Variants in SHC3 observed in about 807,000 individuals in gnomAD.
The protein encoded by SHC3 is SHC-transforming protein 3.
SHC3 carries 15 observed loss-of-function variants against 60.4 expected under a neutral mutation model. The observed-to-expected ratio is 0.25, with a 90% CI of 0.17 to 0.38. The LOEUF is 0.38. Among genes scored for constraint, SHC3 ranks in the 10% least tolerant of loss-of-function variants. SHC3 has a pLI of 1.00. For synonymous variants in SHC3, 294 were observed against 325.9 expected (o/e 0.90, Z 1.05); for missense variants, 677 against 786.1 (o/e 0.86, Z 1.66).
In SHC3 at chr9:89,047,013, C is replaced by T. The variant is rs377234335; in HGVS notation, c.963-19G>A. 21 of 1,533,496 alleles carry T rather than the reference C, an allele frequency of 1.4e-5. No homozygotes were observed. The African/African-American group carries it at 2.9e-4, about 21-fold the overall frequency. The allele number at this position is 1,533,496 out of a possible 1,614,324, so 95.0% of individuals were successfully genotyped here. A position where few individuals can be genotyped will look rare whatever the true frequency, so the allele number is the denominator to read the frequency against. ...CTGCATTCTGTTAAAGGAAGATTTC[C>T]AAGGGCTTTAGCCAAAAGTTGAACT... On this transcript the variant is annotated intron_variant, in intron 7 of 11. Transcript: ENST00000375835.
At chr9:89,013,708 C>A in intron 11 of SHC3, 133 bp from the exon 12 acceptor site, 1 of 1,294,494 alleles carries the variant, frequency 7.7e-7, no homozygotes, top group Non-Finnish European at 1.0e-6. Flanking sequence ...GCTTCCACCA[C>A]TTTAGAGATG....
At chr9:89,081,303 T>C (rs1228375663) in intron 2 of SHC3, among the ~76,000 whole-genome samples, 3 of 152,160 alleles carry the variant, frequency 2.0e-5, no homozygotes, top group Non-Finnish European at 4.4e-5. Context: ...GCAATACACA[T>C]GGCTCCAAAA....
chr9:89,098,267 A>C (rs1825733798), intron 2 of SHC3, among the ~76,000 whole-genome samples: 1 of 152,242 alleles, frequency 6.6e-6, no homozygotes, highest in Non-Finnish European at 1.5e-5. Flanking sequence ...AACAAAATGC[A>C]ATGTGTGATT....
At chr9:89,077,992 A>G (rs1825387153) in intron 2 of SHC3, 89 bp from the exon 3 acceptor site, 1 of 1,432,774 alleles carries the variant, frequency 7.0e-7, no homozygotes, top group Admixed American at 1.7e-5. Flanking sequence ...CAAAGAAAAT[A>G]ACTGCCTGTT....
intron 6 of SHC3, among the ~76,000 whole-genome samples, chr9:89,053,970 G>A (rs1824904354): frequency 2.0e-5 from 3 of 152,222 alleles, no homozygotes; most frequent in Admixed American, 2.0e-4. Flanking sequence ...CAGCCAACAG[G>A]ACTGGTTGGT....
At chr9:89,110,922 T>A (rs1407148413) in intron 2 of SHC3, among the ~76,000 whole-genome samples, 1 of 152,196 alleles carries the variant, frequency 6.6e-6, no homozygotes, top group Non-Finnish European at 1.5e-5. Context: ...CCATTTGGGT[T>A]CTACCACAGA....
chr9:89,118,522 T>C (rs192445629), intron 1 of SHC3, among the ~76,000 whole-genome samples: 17 of 152,174 alleles, frequency 1.1e-4, no homozygotes, highest in African/African-American at 3.9e-4. Flanking sequence ...CACATTTTCA[T>C]GGCTCCCAGG....
intron 6 of SHC3, among the ~76,000 whole-genome samples, chr9:89,053,350 C>G (rs1295580772): frequency 6.6e-6 from 1 of 152,228 alleles, no homozygotes; most frequent in Admixed American, 6.5e-5. Flanking sequence ...TAGGGAGACA[C>G]TGAACTGTGC....
At chr9:89,025,855 A>T (rs752902734) in intron 11 of SHC3, among the ~76,000 whole-genome samples, 1 of 152,206 alleles carries the variant, frequency 6.6e-6, no homozygotes, top group Non-Finnish European at 1.5e-5. Context: ...CTTGTGGGGA[A>T]AATCTGTATT....
rs2118622757 is a variant in SHC3, at chr9:89,009,537, A to G, written c.*3910T>C. 1 of 152,330 alleles carries G rather than the reference A, an allele frequency of 6.6e-6. No individual in the cohort carries two copies. Among genetic ancestry groups the G allele is most frequent in the East Asian group, 1.9e-4 (1 of 5,188 alleles). 9.4% of individuals were successfully genotyped at this position (152,330 alleles called of 1,614,324 possible). A position where few individuals can be genotyped will look rare whatever the true frequency, so the allele number is the denominator to read the frequency against. On this transcript the variant is annotated 3_prime_UTR_variant, in exon 12 of 12. Transcript: ENST00000375835. ...AAATCATTGCGCTTATATGTTTCAT[A>G]TATTTGTCAATCCCCAGCACGCCCT...
At chr9:89,054,397 T>C (rs1307512317) in intron 6 of SHC3, among the ~76,000 whole-genome samples, 3 of 152,222 alleles carry the variant, frequency 2.0e-5, no homozygotes, top group Non-Finnish European at 4.4e-5. Flanking sequence ...CCTGTTGCTT[T>C]GGTCTGAGGA....
chr9:89,109,534 C>G, intron 2 of SHC3: 1 of 985,480 alleles, frequency 1.0e-6, no homozygotes, highest in Non-Finnish European at 1.2e-6. Context: ...CAGAAGTGAC[C>G]TGAGAGCTGA....
At chr9:89,136,562 C>A (rs142048200) in intron 1 of SHC3, among the ~76,000 whole-genome samples, 384 of 152,234 alleles carry the variant, frequency 2.5e-3, no homozygotes, top group African/African-American at 8.6e-3. Context: ...ATGCTCAGTT[C>A]CTGGAATTGT....
At chr9:89,102,300 T>C (rs1252289248) in intron 2 of SHC3, among the ~76,000 whole-genome samples, 2 of 152,182 alleles carry the variant, frequency 1.3e-5, no homozygotes, top group South Asian at 4.1e-4. Context: ...CTATCTTTTT[T>C]CAGATTCCAA....
In SHC3 at chr9:89,178,191, C is replaced by T; in HGVS notation, c.270G>A (p.Glu90=). The part of the protein sequence containing the change: ...GLRGLSSAAR[E]RAGARLSGSC... ...TGCCCGAGAGCCGCGCGCCCGCCCG[C>T]TCCCGGGCGGCCGACGACAGGCCGC... The change falls in exon 1 of 12, where the codon GAG becomes GAA. Residue 90 remains glutamate (E), a synonymous_variant. Transcript: ENST00000375835. This position sits in a 1 kb window ranked among gnomAD's most constrained non-coding sequence, Gnocchi z 6.9. 3.7e-6 allele frequency: 5 copies of T among 1,361,790 alleles called. No homozygotes were observed. The highest frequency in any genetic ancestry group is 4.7e-6 in the Non-Finnish European group (5 of 1,057,540). The allele number at this position is 1,361,790 out of a possible 1,614,324, so 84.4% of individuals were successfully genotyped here.
Position 89,025,484 on chromosome 9 carries a change from T to C in SHC3, c.1657-11909A>G, listed in dbSNP as rs561162550. ...CCCACATCAGCCCCCAGGCCTGCAATGTGTAAACTAAAAATAAAATTTGAA... is the reference window on the plus strand; with the variant it reads ...CCCACATCAGCCCCCAGGCCTGCAACGTGTAAACTAAAAATAAAATTTGAA... On this transcript the variant is annotated intron_variant, in intron 11 of 11. Transcript: ENST00000375835. 3.2e-3 allele frequency among the ~76,000 whole-genome samples: 486 copies of C among 152,260 alleles called. 1 individual carries two copies. The highest frequency in any genetic ancestry group is 0.011 in the African/African-American group (458 of 41,554).
rs1490182124 is a variant in SHC3, at chr9:89,059,742, CGTGGTGGAGGATG to C, written c.835+5774_835+5786del. ...GGTGGTGCAGGACGGTGGTGGAGGA[CGTGGTGGAGGATG>C]GTGGTGGAGGATGGTGGTGGAGGAT... On this transcript the variant is annotated intron_variant, in intron 6 of 11. Transcript: ENST00000375835. 2.2e-3 allele frequency among the ~76,000 whole-genome samples: 78 copies of C among 35,006 alleles called. 2 individuals carry two copies. The highest frequency in any genetic ancestry group is 3.5e-3 in the Non-Finnish European group (66 of 19,024). The allele number at this position is 35,006 out of a possible 152,430, so 23.0% of individuals were successfully genotyped here. A position where few individuals can be genotyped will look rare whatever the true frequency, so the allele number is the denominator to read the frequency against.
At position 89,009,661 on chromosome 9, in the gene SHC3, G is replaced by A. The variant is rs1825990045; in HGVS notation, c.*3786C>T. The A allele has an allele frequency of 6.6e-6, 1 of 152,280 alleles. No individual in the cohort carries two copies. Among genetic ancestry groups the A allele is most frequent in the African/African-American group, 2.4e-5 (1 of 41,438 alleles). The allele number at this position is 152,280 out of a possible 1,614,324, so 9.4% of individuals were successfully genotyped here. On this transcript the variant is annotated 3_prime_UTR_variant, in exon 12 of 12. Coordinates refer to ENST00000375835, the MANE Select transcript of SHC3 (RefSeq NM_016848.6). ...TCCACGCCGTTCTGGGTGTGCCAGGGTGGAGGCTGGATGGAGGTATCTACT... is the reference window on the plus strand; with the variant it reads ...TCCACGCCGTTCTGGGTGTGCCAGGATGGAGGCTGGATGGAGGTATCTACT...
At chr9:89,122,594 A>G (rs1826106889) in intron 1 of SHC3, among the ~76,000 whole-genome samples, 1 of 152,240 alleles carries the variant, frequency 6.6e-6, no homozygotes, top group South Asian at 2.1e-4. Flanking sequence ...TTTTAAAATG[A>G]TGCAAACTTA....
Sources: gnomAD v4.1 joint callset for allele counts (sites outside exome capture counted in the v4.1 genomes callset) on GRCh38, gnomAD v4.1.1 for gene constraint, Gnocchi (gnomAD v3.1) non-coding constraint, MANE v1.5 for transcripts, NCBI Gene and HGNC (gene_info 2026-07-23, HGNC 2026-07-21) for gene names.